The following TCF4 variants were observed in gnomAD, a reference collection of about 807,000 sequenced individuals.
TCF4 encodes transcription factor 4, also known as SL3-3 enhancer factor 2.
A neutral mutation model predicts 82.1 loss-of-function variants in TCF4; 3 were observed. That is an observed-to-expected ratio of 0.04 (90% CI 0.02 to 0.09). TCF4 has a LOEUF of 0.09. TCF4 is among the 10% of genes least tolerant of loss of function. The pLI, the probability that TCF4 is intolerant of heterozygous loss-of-function variation, is 1.00. For missense variants in TCF4, 518 were observed against 852.7 expected (o/e 0.61, Z 4.89); for synonymous variants, 276 against 309.6 (o/e 0.89, Z 1.14).
At chr18:55,483,998 TC>T (rs1295668972) in intron 3 of TCF4, among the ~76,000 whole-genome samples, 1 of 152,206 alleles carries the variant, frequency 6.6e-6, no homozygotes, top group African/African-American at 2.4e-5. Context: ...ACTTTATACA[TC>T]AGAGAAAGTC....
intron 8 of TCF4, chr18:55,322,410 G>C (rs1258094156): frequency 2.2e-6 from 2 of 907,764 alleles, no homozygotes; most frequent in Non-Finnish European, 2.6e-6. Flanking sequence ...GAAAGGGGAG[G>C]GAAAGGGGAG....
In TCF4 at chr18:55,222,659, A is replaced by C. The variant is rs954312749; in HGVS notation, c.*5376T>G. 2 of 152,660 alleles carry C rather than the reference A, an allele frequency of 1.3e-5. No individual in the cohort carries two copies. The highest frequency in any genetic ancestry group is 2.9e-5 in the Non-Finnish European group (2 of 68,044). 9.5% of individuals were successfully genotyped at this position (152,660 alleles called of 1,614,324 possible). A position where few individuals can be genotyped will look rare whatever the true frequency, so the allele number is the denominator to read the frequency against. On this transcript the variant is annotated 3_prime_UTR_variant, in exon 20 of 20. Coordinates refer to ENST00000354452, the MANE Select transcript of TCF4 (RefSeq NM_001083962.2). Reference sequence around the variant, plus strand: ...TAGAACATTCTGTTATGAAGCGCTCAGCTACCGCGGGCTTTCCTTTACATT... The same window carrying C: ...TAGAACATTCTGTTATGAAGCGCTCCGCTACCGCGGGCTTTCCTTTACATT...
chr18:55,448,003 T>TG (rs2095555885), intron 5 of TCF4, among the ~76,000 whole-genome samples: 1 of 98,728 alleles, frequency 1.0e-5, no homozygotes, highest in Non-Finnish European at 2.0e-5. Context: ...GGGGGGATGA[T>TG]ATGGGGGGGG....
intron 17 of TCF4, chr18:55,229,537 G>A (rs767751730): frequency 1.3e-4 from 22 of 169,546 alleles, no homozygotes; most frequent in Non-Finnish European, 2.4e-4. Context: ...TGAAATCTAG[G>A]GGAAACAAGT....
At chr18:55,305,991 C>T (rs756453823) in intron 8 of TCF4, among the ~76,000 whole-genome samples, 12 of 152,150 alleles carry the variant, frequency 7.9e-5, no homozygotes, top group Non-Finnish European at 1.8e-4. Flanking sequence ...ATTTACCGTG[C>T]CCCTTCCGAC....
chr18:55,411,651 T>A (rs1261776937), intron 5 of TCF4, among the ~76,000 whole-genome samples: 1 of 152,204 alleles, frequency 6.6e-6, no homozygotes, highest in Non-Finnish European at 1.5e-5. Context: ...AGGAGAATTA[T>A]CAGCAAGACT....
At chr18:55,610,440 G>T (rs2097705994) in intron 2 of TCF4, among the ~76,000 whole-genome samples, 2 of 152,154 alleles carry the variant, frequency 1.3e-5, no homozygotes, top group Admixed American at 6.5e-5. Context: ...TGATCCTTTT[G>T]TTCCTGCACT....
chr18:55,605,292 G>A (rs986470956), intron 2 of TCF4, among the ~76,000 whole-genome samples: 3 of 152,158 alleles, frequency 2.0e-5, no homozygotes, highest in African/African-American at 2.4e-5. Context: ...TGAAAGAGCC[G>A]CAATCTTGGA....
intron 3 of TCF4, among the ~76,000 whole-genome samples, chr18:55,474,644 C>A (rs2145309184): frequency 6.6e-6 from 1 of 152,274 alleles, no homozygotes; most frequent in East Asian, 1.9e-4. Context: ...ATAAAAAACA[C>A]AGATATCCTA....
chr18:55,447,000 A>C (rs1367954059), intron 5 of TCF4, among the ~76,000 whole-genome samples: 1 of 149,824 alleles, frequency 6.7e-6, no homozygotes, highest in Non-Finnish European at 1.5e-5. Flanking sequence ...AAAAAAAAAA[A>C]GGAAAAAAAG....
In TCF4 at chr18:55,342,588, T is replaced by C. The variant is rs1489806794; in HGVS notation, c.549+7771A>G. 3.9e-5 allele frequency among the ~76,000 whole-genome samples: 6 copies of C among 152,304 alleles called. No homozygotes were observed. The South Asian group carries it at 1.2e-3, about 32-fold the overall frequency. Reference sequence around the variant, plus strand: ...AATCAGGCCATAAACATTCTCCTAATAAATTTCAGCTTTAGTAGTAACGCA... The same window carrying C: ...AATCAGGCCATAAACATTCTCCTAACAAATTTCAGCTTTAGTAGTAACGCA... On this transcript the variant is annotated intron_variant, in intron 8 of 19. Coordinates refer to ENST00000354452, the MANE Select transcript of TCF4 (RefSeq NM_001083962.2).
intron 2 of TCF4, among the ~76,000 whole-genome samples, chr18:55,615,608 G>C (rs894616663): frequency 2.0e-5 from 3 of 152,152 alleles, no homozygotes; most frequent in Middle Eastern, 3.4e-3. Flanking sequence ...CCTGATTTTA[G>C]AGGGAAAGCA....
At chr18:55,366,206 T>C (rs1268541163) in intron 6 of TCF4, among the ~76,000 whole-genome samples, 1 of 152,240 alleles carries the variant, frequency 6.6e-6, no homozygotes, top group East Asian at 1.9e-4. Flanking sequence ...ATTTATTTAT[T>C]TGTTCATTTG....
chr18:55,424,654 GA>G (rs1569456121), intron 5 of TCF4, among the ~76,000 whole-genome samples: 1 of 151,778 alleles, frequency 6.6e-6, no homozygotes, highest in Non-Finnish European at 1.5e-5. Context: ...TACCCCATTT[GA>G]AAAAAAACTT....
At chr18:55,369,299 C>T (rs771458216) in intron 6 of TCF4, among the ~76,000 whole-genome samples, 1 of 152,160 alleles carries the variant, frequency 6.6e-6, no homozygotes, top group Non-Finnish European at 1.5e-5. Context: ...CTACTGATTC[C>T]TTTAAGATTT....
At chr18:55,589,829 G>C (rs2097680670), upstream of TCF4, 1 of 1,005,278 alleles carries the variant, frequency 9.9e-7, no homozygotes, top group Non-Finnish European at 1.2e-6. Flanking sequence ...TGCGGCCGCG[G>C]CTGCTCCTCC....
intron 8 of TCF4, among the ~76,000 whole-genome samples, chr18:55,328,321 A>G (rs544415894): frequency 6.6e-6 from 1 of 152,048 alleles, no homozygotes; most frequent in East Asian, 1.9e-4. Context: ...AGACTTCATT[A>G]TGCCTCTTAT....
chr18:55,493,909 T>C (rs576474922), intron 3 of TCF4, among the ~76,000 whole-genome samples: 1 of 152,036 alleles, frequency 6.6e-6, no homozygotes, highest in African/African-American at 2.4e-5. Context: ...AACCCAAATA[T>C]AAACAGCAAG....
At chr18:55,418,003 ATGTGTGTGTGTGTG>A (rs201657057) in intron 5 of TCF4, among the ~76,000 whole-genome samples, 132 of 143,470 alleles carry the variant, frequency 9.2e-4, no homozygotes, top group Non-Finnish European at 1.6e-3. Flanking sequence ...TCTTGAGCAA[ATGTGTGTGTGTGTG>A]TGTGTGTGTG....
Sources: allele counts gnomAD v4.1 joint callset (sites outside exome capture counted in the v4.1 genomes callset), GRCh38; gene constraint gnomAD v4.1.1; transcripts MANE v1.5; gene names NCBI Gene and HGNC (gene_info 2026-07-23, HGNC 2026-07-21).